The following ZIM2 variants were observed in gnomAD, a reference collection of about 807,000 sequenced individuals.
The protein encoded by ZIM2 is zinc finger imprinted 2.
ZIM2 carries 14 observed loss-of-function variants against 38.6 expected under a neutral mutation model. That is an observed-to-expected ratio of 0.36 (90% CI 0.24 to 0.57). The LOEUF (loss-of-function observed/expected upper bound fraction) is 0.57. ZIM2 is among the 20% of genes least tolerant of loss of function. The probability of loss-of-function intolerance (pLI) is 0.81; values close to 1 mark genes in which losing one functional copy is unlikely to be tolerated. For missense variants in ZIM2, 680 were observed against 695.1 expected (o/e 0.98, Z 0.24); for synonymous variants, 247 against 245.8 (o/e 1.00, Z -0.04).
chr19:56,799,789 G>A (rs955137694), intron 9 of ZIM2: 1 of 152,186 alleles, frequency 6.6e-6, no homozygotes, highest in African/African-American at 2.4e-5. Flanking sequence ...CAGCCCAGGT[G>A]TCAATCAATA....
At chr19:56,807,189 T>C (rs575758889) in intron 9 of ZIM2, among the ~76,000 whole-genome samples, 32 of 152,324 alleles carry the variant, frequency 2.1e-4, no homozygotes, top group Admixed American at 5.9e-4. Flanking sequence ...GACCTCATGG[T>C]TCTTGAATAA....
intron 10 of ZIM2, among the ~76,000 whole-genome samples, chr19:56,787,465 G>A (rs541177235): frequency 4.6e-5 from 7 of 152,076 alleles, no homozygotes; most frequent in Admixed American, 2.6e-4. Flanking sequence ...TAGTAGAGAC[G>A]GGGTTTCACC....
intron 12 of ZIM2, among the ~76,000 whole-genome samples, chr19:56,778,316 A>G (rs2145835627): frequency 6.6e-6 from 1 of 152,266 alleles, no homozygotes; most frequent in East Asian, 1.9e-4. Context: ...AGAAAAGAAG[A>G]CAATGAAAGA....
intron 10 of ZIM2, among the ~76,000 whole-genome samples, chr19:56,785,969 A>G (rs2046576706): frequency 6.6e-6 from 1 of 152,134 alleles, no homozygotes; most frequent in Admixed American, 6.5e-5. Context: ...TCACCCCAAT[A>G]AATTTCAGAA....
chr19:56,802,763 A>C (rs1386076658), intron 9 of ZIM2, among the ~76,000 whole-genome samples: 3 of 152,226 alleles, frequency 2.0e-5, no homozygotes, highest in African/African-American at 7.2e-5. Context: ...TGTTCAAAAA[A>C]CTTCCCCAAA....
chr19:56,837,110 T>C (rs1433035305), intron 1 of ZIM2, among the ~76,000 whole-genome samples: 1 of 151,650 alleles, frequency 6.6e-6, no homozygotes, highest in Admixed American at 6.6e-5. Flanking sequence ...GCTAGGTAAG[T>C]GAGCTCTAGG....
rs761236175 is a variant in ZIM2, at chr19:56,821,636, G to C, written c.294+15C>G. 3.2e-5 allele frequency: 52 copies of C among 1,612,504 alleles called. No homozygotes were observed. The South Asian group carries it at 5.4e-4, about 17-fold the overall frequency. ...GAAGATGGCCTTTCTAGAAAGAGAG[G>C]AAACCTGAGCATACCTGAGATCGGG... On this transcript the variant is annotated intron_variant, in intron 7 of 12. Transcript: ENST00000629319.
At chr19:56,798,259 C>G (rs1363004088) in intron 9 of ZIM2, 1 of 152,098 alleles carries the variant, frequency 6.6e-6, no homozygotes, top group African/African-American at 2.4e-5. Context: ...TATCTTTATA[C>G]AATGGTGAGT....
chr19:56,781,147 C>T (rs1325022901), intron 11 of ZIM2, among the ~76,000 whole-genome samples: 1 of 152,074 alleles, frequency 6.6e-6, no homozygotes, highest in Non-Finnish European at 1.5e-5. Context: ...TTCCTTGTAA[C>T]CGATAAGAAC....
chr19:56,812,791 C>T (rs1229411404), intron 9 of ZIM2: 1 of 977,478 alleles, frequency 1.0e-6, no homozygotes, highest in Non-Finnish European at 1.2e-6. Context: ...TATCAATTCA[C>T]TATCATCAAA....
chr19:56,792,961 T>C (rs997937150), intron 9 of ZIM2: 1 of 152,686 alleles, frequency 6.5e-6, no homozygotes, highest in South Asian at 2.1e-4. Flanking sequence ...ACAGCAGATA[T>C]TCAATAAACA....
At chr19:56,823,378 A>C (rs2060690681) in intron 5 of ZIM2, among the ~76,000 whole-genome samples, 2 of 152,230 alleles carry the variant, frequency 1.3e-5, no homozygotes, top group Admixed American at 6.5e-5. Flanking sequence ...TTATCGTTGA[A>C]TAAAACGGTA....
chr19:56,803,646 T>C (rs746519314), intron 9 of ZIM2, among the ~76,000 whole-genome samples: 3 of 152,150 alleles, frequency 2.0e-5, no homozygotes, highest in Non-Finnish European at 4.4e-5. Flanking sequence ...TTAAGATTAT[T>C]GGAAGCTGGA....
rs548918125 is a variant in ZIM2, at chr19:56,838,518, A to G, written c.-314+2064T>C. On this transcript the variant is annotated intron_variant, in intron 1 of 12. Transcript: ENST00000629319. ...AACCCGCCTCGCAGCTCCCCCACTA[A>G]GCCGCCCCCATACACAAGATGGAAC... 2.6e-5 allele frequency among the ~76,000 whole-genome samples: 4 copies of G among 151,730 alleles called. No homozygotes were observed. The South Asian group carries it at 8.3e-4, about 31-fold the overall frequency.
chr19:56,813,275 A>T, intron 9 of ZIM2: 1 of 944,756 alleles, frequency 1.1e-6, no homozygotes, highest in Non-Finnish European at 1.3e-6. Context: ...TATCATATAA[A>T]TCCAAATATA....
intron 1 of ZIM2, among the ~76,000 whole-genome samples, chr19:56,839,691 C>A (rs536920475): frequency 3.3e-5 from 5 of 152,166 alleles, no homozygotes; most frequent in African/African-American, 9.6e-5. Flanking sequence ...ATGGGTGGGG[C>A]TGGAACAGAC....
intron 1 of ZIM2, among the ~76,000 whole-genome samples, chr19:56,836,484 C>T (rs1429799163): frequency 6.6e-6 from 1 of 152,124 alleles, no homozygotes; most frequent in Non-Finnish European, 1.5e-5. Flanking sequence ...CCCTTTATCA[C>T]GTAAAATATT....
intron 7 of ZIM2, 93 bp downstream of exon 7, chr19:56,821,557 AG>A (rs1315929565): frequency 1.4e-6 from 2 of 1,474,654 alleles, no homozygotes; most frequent in Non-Finnish European, 1.9e-6. Context: ...GCTGGACTCT[AG>A]GGGGCAGATA....
chr19:56,793,407 G>A (rs750531071), intron 9 of ZIM2, among the ~76,000 whole-genome samples: 1 of 152,192 alleles, frequency 6.6e-6, no homozygotes, highest in East Asian at 1.9e-4. Context: ...CTTAAAGGCA[G>A]GCTGCTCCAG....
Sources: allele counts gnomAD v4.1 joint callset (sites outside exome capture counted in the v4.1 genomes callset), GRCh38; gene constraint gnomAD v4.1.1; transcripts MANE v1.5; gene names NCBI Gene and HGNC (gene_info 2026-07-23, HGNC 2026-07-21).